ZNF157: variants seen among roughly 807,000 people sequenced by gnomAD.
The protein encoded by ZNF157 is zinc finger protein 157, also known as zinc finger protein 22.
Under a neutral mutation model 9.4 loss-of-function variants are expected in ZNF157, and 8 were observed. The ratio of observed to expected loss-of-function variants is 0.85; its 90% confidence interval spans 0.50 to 1.53. The LOEUF is 1.53. Ranked by LOEUF, ZNF157 falls within the 40% of genes most tolerant of loss-of-function variation. The pLI, the probability that ZNF157 is intolerant of heterozygous loss-of-function variation, is 0.00. For synonymous variants in ZNF157, 120 were observed against 130.8 expected, an observed-to-expected ratio of 0.92 and a Z score of 0.56; for missense variants, 316 against 385.2, an observed-to-expected ratio of 0.82 and a Z score of 1.50.
At chrX:47,381,472 C>T (rs1341565084) in intron 1 of ZNF157, among the ~76,000 whole-genome samples, 1 of 111,820 alleles carries the variant, frequency 8.9e-6, no homozygotes, top group Non-Finnish European at 1.9e-5. Flanking sequence ...TGTATGTCTT[C>T]TACATATTTT....
intron 1 of ZNF157, among the ~76,000 whole-genome samples, chrX:47,408,440 G>A (rs2147414494): frequency 9.2e-6 from 1 of 109,157 alleles, no homozygotes; most frequent in Non-Finnish European, 1.9e-5. Flanking sequence ...TGTAAGATAG[G>A]ATCTCGCTCT....
At chrX:47,411,549 G>A (rs756294332) in intron 3 of ZNF157, among the ~76,000 whole-genome samples, 9 of 106,118 alleles carry the variant, frequency 8.5e-5, no homozygotes, top group Admixed American at 2.1e-4. Context: ...TTTTTTTTTT[G>A]TAGAGACAGA....
At chrX:47,410,127 C>A in intron 1 of ZNF157, 149 bp from the exon 2 acceptor site, 2 of 776,852 alleles carry the variant, frequency 2.6e-6, no homozygotes, top group Non-Finnish European at 1.9e-6. Context: ...AGGTACCCCC[C>A]ACCCCAAAAG....
In ZNF157 at chrX:47,370,641, G is replaced by A. The variant is rs370313927; in HGVS notation, c.-28G>A. 1.6e-5 allele frequency: 19 copies of A among 1,193,007 alleles called. No homozygotes were observed. The highest frequency in any genetic ancestry group is 7.4e-5 in the South Asian group (4 of 53,872). On this transcript the variant is annotated 5_prime_UTR_variant, in exon 1 of 4. Transcript: ENST00000377073. ...CTACACACAGACAGCTGTCCAGCAC[G>A]GAAGGTGGGCTGAGGCCCAGGGTGA...
chrX:47,402,891 C>G lies in ZNF157; in HGVS notation c.73-7385C>G, dbSNP rs7065567. Reference sequence around the variant, plus strand: ...GATACAAGTACAGCTTTGTTACATGCGTATATTGCAGAGTGGTGAAGTCTG... The same window carrying G: ...GATACAAGTACAGCTTTGTTACATGGGTATATTGCAGAGTGGTGAAGTCTG... On this transcript the variant is annotated intron_variant, in intron 1 of 3. Transcript: ENST00000377073. Among the ~76,000 whole-genome samples, 295 of 109,353 alleles carry G rather than the reference C, an allele frequency of 2.7e-3. 1 individual carries two copies. Among genetic ancestry groups the G allele is most frequent in the Non-Finnish European group, 4.4e-3 (232 of 52,690 alleles). The allele number at this position is 109,353 out of a possible 115,157, so 95.0% of individuals were successfully genotyped here.
chrX:47,388,999 CA>C (rs2055888719), intron 1 of ZNF157, among the ~76,000 whole-genome samples: 1 of 109,061 alleles, frequency 9.2e-6, no homozygotes, highest in Admixed American at 9.9e-5. Flanking sequence ...TTAGTAGAGA[CA>C]GGGTTTTACC....
At chrX:47,376,513 G>A (rs989672671) in intron 1 of ZNF157, among the ~76,000 whole-genome samples, 2 of 110,981 alleles carry the variant, frequency 1.8e-5, no homozygotes, top group African/African-American at 6.6e-5. Flanking sequence ...CTACTTGAGA[G>A]GCTGAGGCAG....
chrX:47,375,132 T>C (rs2055841080), intron 1 of ZNF157, among the ~76,000 whole-genome samples: 1 of 98,962 alleles, frequency 1.0e-5, no homozygotes, highest in African/African-American at 3.7e-5. Flanking sequence ...TTCTCCTGCC[T>C]CAGCCTCCCG....
chrX:47,376,826 T>TA (rs1371704150), intron 1 of ZNF157, among the ~76,000 whole-genome samples: 4 of 111,517 alleles, frequency 3.6e-5, no homozygotes, highest in Non-Finnish European at 7.5e-5. Context: ...TTCCCGAGCA[T>TA]AGGCTGAACT....
At chrX:47,411,450 G>A (rs767514361) in intron 3 of ZNF157, among the ~76,000 whole-genome samples, 1 of 110,848 alleles carries the variant, frequency 9.0e-6, no homozygotes, top group East Asian at 2.8e-4. Flanking sequence ...CACCTGCCCG[G>A]TTTAAACGAC....
At chrX:47,394,064 A>T (rs1206423083) in intron 1 of ZNF157, among the ~76,000 whole-genome samples, 1 of 106,227 alleles carries the variant, frequency 9.4e-6, no homozygotes, top group Non-Finnish European at 1.9e-5. Context: ...CCAGGTTCAC[A>T]CCATTCTCCG....
intron 1 of ZNF157, among the ~76,000 whole-genome samples, chrX:47,371,066 C>T (rs1475508928): frequency 1.8e-5 from 2 of 111,565 alleles, no homozygotes; most frequent in Admixed American, 1.9e-4. Context: ...CGTGGTGGCT[C>T]ACGCCTGTCA....
At chrX:47,373,864 A>ATT (rs147425636) in intron 1 of ZNF157, among the ~76,000 whole-genome samples, 3,418 of 99,014 alleles carry the variant, frequency 0.035, 170 homozygotes, top group African/African-American at 0.12. Context: ...ATTAAAAAAA[A>ATT]TTTTTTTTTT....
intron 1 of ZNF157, chrX:47,390,390 T>G (rs1233267486): frequency 1.8e-5 from 2 of 112,088 alleles, no homozygotes; most frequent in Non-Finnish European, 3.8e-5. Flanking sequence ...GCAGTAGTGC[T>G]TCTTTGTCTT....
intron 1 of ZNF157, among the ~76,000 whole-genome samples, chrX:47,393,313 G>A (rs975912323): frequency 2.8e-4 from 31 of 111,848 alleles, no homozygotes; most frequent in African/African-American, 9.4e-4. Flanking sequence ...TGCCTATAAA[G>A]TTTTGGAAGT....
In ZNF157 at chrX:47,370,679, A is replaced by G; in HGVS notation, c.11A>G (p.Asn4Ser). 1 of 1,206,200 alleles carries G rather than the reference A, an allele frequency of 8.3e-7. No homozygotes were observed. Among genetic ancestry groups the G allele is most frequent in the Non-Finnish European group, 1.1e-6 (1 of 892,632 alleles). Residue 4 changes from asparagine to serine, a missense_variant, in exon 1 of 4, where the codon AAT becomes AGT. Around this residue, in one of 3 missense-constraint regions of ZNF157, gnomAD observed 146 missense variants for 183.8 expected, o/e 0.79. Coordinates refer to ENST00000377073, the MANE Select transcript of ZNF157 (RefSeq NM_003446.4). Reference protein sequence around the residue: MPANGTSPQRFPAL... With the variant: MPASGTSPQRFPAL... The stretch of plus-strand genomic sequence containing the variant: ...AGGCCCAGGGTGAACATGCCAGCTA[A>G]TGGGACATCACCCCAGAGATTCCCT...
intron 1 of ZNF157, among the ~76,000 whole-genome samples, chrX:47,392,479 G>A (rs1347827357): frequency 8.9e-6 from 1 of 111,751 alleles, no homozygotes; most frequent in Non-Finnish European, 1.9e-5. Flanking sequence ...CATCTGCAGA[G>A]ATCCTTTTTC....
At chrX:47,372,816 T>C (rs2055832688) in intron 1 of ZNF157, among the ~76,000 whole-genome samples, 1 of 110,583 alleles carries the variant, frequency 9.0e-6, no homozygotes, top group Non-Finnish European at 1.9e-5. Context: ...CTTTAAAATA[T>C]CCTTTATTGG....
intron 1 of ZNF157, among the ~76,000 whole-genome samples, chrX:47,371,632 GAGTCTTGC>G (rs1422232205): frequency 1.8e-5 from 2 of 111,439 alleles, no homozygotes; most frequent in Admixed American, 1.9e-4. Context: ...TTTTGAGACA[GAGTCTTGC>G]CCTGTCACCC....
Sources: gnomAD v4.1 joint callset for allele counts (sites outside exome capture counted in the v4.1 genomes callset) on GRCh38, gnomAD v4.1.1 for gene constraint, gnomAD v4.1.1 regional missense constraint, MANE v1.5 for transcripts, NCBI Gene and HGNC (gene_info 2026-07-23, HGNC 2026-07-21) for gene names.